RFX4: variants seen among roughly 807,000 people sequenced by gnomAD.
RFX4 encodes the protein regulatory factor X4, also known as transcription factor RFX4.
Under a neutral mutation model 95.0 loss-of-function variants are expected in RFX4, and 10 were observed. The observed-to-expected ratio is 0.11, with a 90% CI of 0.06 to 0.18. RFX4 has a LOEUF of 0.18. RFX4 is among the 10% of genes least tolerant of loss of function. The pLI, the probability that RFX4 is intolerant of heterozygous loss-of-function variation, is 1.00. For missense variants in RFX4, 640 were observed against 922.0 expected (o/e 0.69, Z 3.96); for synonymous variants, 321 against 340.7 (o/e 0.94, Z 0.64).
intron 5 of RFX4, chr12:106,682,443 T>C (rs1364904085): frequency 4.6e-6 from 1 of 219,352 alleles, no homozygotes; most frequent in African/African-American, 2.3e-5. Context: ...GAAGCAAAAC[T>C]GTACTATTCC....
intron 3 of RFX4, among the ~76,000 whole-genome samples, chr12:106,645,607 T>G (rs7305419): frequency 0.79 from 120,853 of 152,088 alleles, 48,576 homozygotes; most frequent in Middle Eastern, 0.92. Flanking sequence ...AAGAAATTTA[T>G]AATTTCTCTT....
chr12:106,617,938 G>T lies in RFX4; in HGVS notation c.130+9055G>T, dbSNP rs140615308. Among the ~76,000 whole-genome samples the T allele has an allele frequency of 2.9e-3, 448 of 152,168 alleles. 3 individuals carry two copies. Among genetic ancestry groups the T allele is most frequent in the African/African-American group, 0.01 (427 of 41,512 alleles). ...GATGAGGTTTCACCATGTTGGCCAG[G>T]GTGGTCTTGAACTCCTGACCTCAAG... On this transcript the variant is annotated intron_variant, in intron 2 of 17. Transcript: ENST00000392842.
Position 106,733,062 on chromosome 12 carries a change from A to C in RFX4, c.1610A>C (p.Glu537Ala). 6.2e-7 allele frequency: 1 copy of C among 1,614,160 alleles called. No individual in the cohort carries two copies. The highest frequency in any genetic ancestry group is 8.5e-7 in the Non-Finnish European group (1 of 1,180,002). The change falls in exon 15 of 18, where the codon GAG becomes GCG. Residue 537 changes from glutamate (E) to alanine (A), a missense_variant. Physicochemically the swap from Glu to Ala is moderately radical, Grantham distance 107 (BLOSUM62 -1). Around this residue, in one of 7 missense-constraint regions of RFX4, gnomAD observed 300 missense variants for 346.8 expected, o/e 0.87. Coordinates refer to ENST00000392842, the MANE Select transcript of RFX4 (RefSeq NM_213594.3). ...TCCCCTGTTAGCAATCCTTCCCCTG[A>C]GTACACTGGCCTCAGCACTACAGGT... ...PSSPVSNPSPEYTGLSTTGAM... is the reference protein window; with the variant it reads ...PSSPVSNPSPAYTGLSTTGAM...
At chr12:106,630,055 G>A (rs1407320423) in intron 2 of RFX4, among the ~76,000 whole-genome samples, 1 of 152,184 alleles carries the variant, frequency 6.6e-6, no homozygotes, top group Admixed American at 6.5e-5. Context: ...CACCTTTTAA[G>A]AGCATTTGTG....
At chr12:106,744,504 AC>A (rs2042858192) in intron 15 of RFX4, among the ~76,000 whole-genome samples, 1 of 152,228 alleles carries the variant, frequency 6.6e-6, no homozygotes, top group East Asian at 1.9e-4. Context: ...ATGTAAGAAT[AC>A]CTGAATTCAT....
chr12:106,625,317 G>A (rs1036670384), intron 2 of RFX4, among the ~76,000 whole-genome samples: 1 of 152,212 alleles, frequency 6.6e-6, no homozygotes, highest in Non-Finnish European at 1.5e-5. Flanking sequence ...TGTGATATGG[G>A]ACTGATATTT....
At chr12:106,650,760 A>G (rs1224445080) in intron 3 of RFX4, among the ~76,000 whole-genome samples, 1 of 152,064 alleles carries the variant, frequency 6.6e-6, no homozygotes, top group Non-Finnish European at 1.5e-5. Flanking sequence ...GATGATACCT[A>G]TGAGACAGGT....
intron 1 of RFX4, among the ~76,000 whole-genome samples, chr12:106,597,299 C>T (rs2039635465): frequency 1.3e-5 from 2 of 151,818 alleles, no homozygotes; most frequent in East Asian, 3.9e-4. Context: ...GTAATTTGCC[C>T]AGGGTTGCAG....
In RFX4 at chr12:106,696,321, G is replaced by T; in HGVS notation, c.708G>T (p.Pro236=). Residue 236 remains proline, a synonymous_variant, in exon 8 of 18, where the codon CCG becomes CCT. Transcript: ENST00000392842. ...TTCTGCACTTTTGGCAAGGAATGCC[G>T]CCCCACATGCTGCCTGTGCTGGGCT... ...SFLLHFWQGM[P]PHMLPVLGSS... 1 of 1,614,178 alleles carries T rather than the reference G, an allele frequency of 6.2e-7. No homozygotes were observed. The highest frequency in any genetic ancestry group is 8.5e-7 in the Non-Finnish European group (1 of 1,180,014).
chr12:106,651,378 C>T (rs747421037), intron 3 of RFX4, among the ~76,000 whole-genome samples: 4 of 152,178 alleles, frequency 2.6e-5, no homozygotes, highest in Non-Finnish European at 4.4e-5. Context: ...TCATGCCATA[C>T]GGTTATTGTG....
At chr12:106,636,128 G>A (rs1272522821) in intron 2 of RFX4, among the ~76,000 whole-genome samples, 1 of 152,170 alleles carries the variant, frequency 6.6e-6, no homozygotes, top group East Asian at 1.9e-4. Flanking sequence ...GAGCAGAAGG[G>A]ATGGATGTAT....
At chr12:106,587,296 C>A (rs966664176) in intron 1 of RFX4, among the ~76,000 whole-genome samples, 1 of 152,184 alleles carries the variant, frequency 6.6e-6, no homozygotes, top group Non-Finnish European at 1.5e-5. Context: ...CTCCCGCCCC[C>A]GTCCCCAGCG....
At chr12:106,716,537 C>G (rs899752970) in intron 11 of RFX4, among the ~76,000 whole-genome samples, 5 of 152,132 alleles carry the variant, frequency 3.3e-5, no homozygotes, top group Non-Finnish European at 5.9e-5. Context: ...TATTAGAGAT[C>G]TCTTTCCCAT....
At chr12:106,725,618 A>G (rs1343596220) in intron 13 of RFX4, among the ~76,000 whole-genome samples, 1 of 152,192 alleles carries the variant, frequency 6.6e-6, no homozygotes, top group African/African-American at 2.4e-5. Context: ...AATGTTTAGC[A>G]TATATGTTAA....
chr12:106,631,516 C>G (rs2040415619), intron 2 of RFX4, among the ~76,000 whole-genome samples: 1 of 152,164 alleles, frequency 6.6e-6, no homozygotes, highest in Non-Finnish European at 1.5e-5. Flanking sequence ...AGGGTTAGGT[C>G]ATGAAGGCTC....
intron 4 of RFX4, among the ~76,000 whole-genome samples, chr12:106,673,532 G>T (rs903750905): frequency 3.3e-5 from 5 of 152,214 alleles, no homozygotes; most frequent in Non-Finnish European, 7.3e-5. Context: ...AGAGCAAAAG[G>T]TCTTTTGTGA....
At chr12:106,753,484 C>G (rs1022635304) in intron 17 of RFX4, among the ~76,000 whole-genome samples, 5 of 152,164 alleles carry the variant, frequency 3.3e-5, no homozygotes, top group African/African-American at 1.2e-4. Flanking sequence ...CTGTCTGACG[C>G]GCACGGAGAC....
chr12:106,624,268 G>A (rs1301595693), intron 2 of RFX4, among the ~76,000 whole-genome samples: 1 of 152,124 alleles, frequency 6.6e-6, no homozygotes, highest in East Asian at 1.9e-4. Context: ...GTCAAATCTA[G>A]CCTTGGGCTG....
chr12:106,723,150 T>C (rs1262124980), intron 13 of RFX4, among the ~76,000 whole-genome samples: 6 of 152,194 alleles, frequency 3.9e-5, no homozygotes, highest in African/African-American at 1.4e-4. Context: ...TCTCCTTAAT[T>C]CCTTTTCACT....
Sources: allele counts gnomAD v4.1 joint callset (sites outside exome capture counted in the v4.1 genomes callset), GRCh38; gene constraint gnomAD v4.1.1; regional missense constraint gnomAD v4.1.1; transcripts MANE v1.5; gene names NCBI Gene and HGNC (gene_info 2026-07-23, HGNC 2026-07-21).